Variants in EXPH5 observed in about 807,000 individuals in gnomAD.
The protein encoded by EXPH5 is exophilin 5, also known as exophilin-5.
EXPH5 carries 42 observed loss-of-function variants against 41.1 expected under a neutral mutation model. That is an observed-to-expected ratio of 1.02 (90% CI 0.80 to 1.32). EXPH5 has a LOEUF of 1.32. Ranked by LOEUF, EXPH5 falls within the 40% of genes most tolerant of loss-of-function variation. EXPH5 has a pLI of 0.00. For synonymous variants in EXPH5, 798 were observed against 833.5 expected, an observed-to-expected ratio of 0.96 and a Z score of 0.73; for missense variants, 2,298 against 2,314.5, an observed-to-expected ratio of 0.99 and a Z score of 0.15.
chr11:108,596,793 T>G (rs1197178591), upstream of EXPH5, among the ~76,000 whole-genome samples: 2 of 152,214 alleles, frequency 1.3e-5, no homozygotes, highest in African/African-American at 4.8e-5. Flanking sequence ...GAGAAATTTT[T>G]ATATTGAGAA....
chr11:108,520,220 G>A (rs2093756549), intron 4 of EXPH5, among the ~76,000 whole-genome samples: 1 of 152,152 alleles, frequency 6.6e-6, no homozygotes, highest in African/African-American at 2.4e-5. Context: ...ACATGCGAGG[G>A]ATCTAGGTTG....
rs1220030103 is a variant in EXPH5, at chr11:108,514,659, C to T, written c.848G>A (p.Gly283Asp). 1.2e-6 allele frequency: 2 copies of T among 1,604,244 alleles called. No individual in the cohort carries two copies. The highest frequency in any genetic ancestry group is 4.5e-5 in the East Asian group (2 of 44,876). ...DILRPGTPRE[G>D]FKTFSPRTST... ...TGTCCTAGGAGAAAAGGTTTTAAAA[C>T]CTTCCCTAGGAGTTCCTGGTCTTAG... The change falls in exon 6 of 6, where the codon GGT becomes GAT. Residue 283 changes from glycine to aspartate, a missense_variant. Physicochemically the swap from Gly to Asp is moderately conservative, Grantham distance 94. Transcript: ENST00000265843.
intron 3 of EXPH5, among the ~76,000 whole-genome samples, chr11:108,530,973 T>TTTTA (rs1315193011): frequency 6.6e-6 from 1 of 152,166 alleles, no homozygotes; most frequent in Non-Finnish European, 1.5e-5. Flanking sequence ...TGTGAAGAGT[T>TTTTA]TCCACTTAGA....
At chr11:108,597,352 C>T (rs551646088), upstream of EXPH5, among the ~76,000 whole-genome samples, 9 of 152,234 alleles carry the variant, frequency 5.9e-5, no homozygotes, top group South Asian at 1.0e-3. Flanking sequence ...CGCACGCCAC[C>T]GCACCCAGCT....
At chr11:108,573,636 TC>T (rs1317440904) in intron 1 of EXPH5, among the ~76,000 whole-genome samples, 1 of 152,172 alleles carries the variant, frequency 6.6e-6, no homozygotes, top group Non-Finnish European at 1.5e-5. Flanking sequence ...GAGATGGAAA[TC>T]AATGGTACTA....
intron 1 of EXPH5, among the ~76,000 whole-genome samples, chr11:108,556,227 G>A (rs2093989164): frequency 6.6e-6 from 1 of 151,342 alleles, no homozygotes; most frequent in African/African-American, 2.4e-5. Context: ...TAAAGCAGGG[G>A]AACCTTCCTT....
At chr11:108,536,160 T>A (rs1161672302) in intron 3 of EXPH5, among the ~76,000 whole-genome samples, 1 of 152,198 alleles carries the variant, frequency 6.6e-6, no homozygotes, top group Non-Finnish European at 1.5e-5. Flanking sequence ...TTTCCTGTGG[T>A]TGGAATGGAG....
At chr11:108,595,869 A>G (rs138036982), upstream of EXPH5, among the ~76,000 whole-genome samples, 2,807 of 152,206 alleles carry the variant, frequency 0.018, 39 homozygotes, top group Middle Eastern at 0.048. Context: ...AGCACTGAGG[A>G]GCTAATACAG....
Position 108,514,424 on chromosome 11 carries a change from C to G in EXPH5, c.1083G>C (p.Gln361His), listed in dbSNP as rs745312369. ...ATGATAAAGGAGTTCTCTTTGGACT[C>G]TGCTGGTGCCTTGGTGGTATAAACC... is the stretch of plus-strand genomic sequence containing the variant. ...KSGFIPPRHQ[Q>H]SPKRTPLSSI... The change falls in exon 6 of 6, where the codon CAG becomes CAC. Residue 361 changes from glutamine (Q) to histidine (H), a missense_variant. Transcript: ENST00000265843. 22 of 1,614,098 alleles carry G rather than the reference C, an allele frequency of 1.4e-5. No individual in the cohort carries two copies. Among genetic ancestry groups the G allele is most frequent in the Non-Finnish European group, 1.7e-5 (20 of 1,180,018 alleles).
In EXPH5 at chr11:108,550,596, T is replaced by G. The variant is rs1335042218; in HGVS notation, c.120-8784A>C. ...GAGTTCGAGACCAGCCTAGCTAACA[T>G]GGAGAAATGCTGTCTCTACTAAAAA... is the stretch of plus-strand genomic sequence containing the variant. On this transcript the variant is annotated intron_variant, in intron 1 of 5. Transcript: ENST00000265843. Among the ~76,000 whole-genome samples the G allele has an allele frequency of 2.6e-5, 4 of 152,104 alleles. No homozygotes were observed. The East Asian group carries it at 7.7e-4, about 29-fold the overall frequency.
intron 5 of EXPH5, among the ~76,000 whole-genome samples, chr11:108,515,755 A>G (rs1457094981): frequency 6.6e-6 from 1 of 152,172 alleles, no homozygotes; most frequent in Non-Finnish European, 1.5e-5. Flanking sequence ...CAACCACTGT[A>G]CAATGCAACC....
At chr11:108,605,675 C>G in the EXPH5 span, among the ~76,000 whole-genome samples, 1 of 152,230 alleles carries the variant, frequency 6.6e-6, no homozygotes, top group Non-Finnish European at 1.5e-5. Flanking sequence ...GTGGGATACA[C>G]TCTGCTAATT....
In EXPH5 at chr11:108,550,785, T is replaced by A. The variant is rs184524726; in HGVS notation, c.120-8973A>T. On this transcript the variant is annotated intron_variant, in intron 1 of 5. Coordinates refer to ENST00000265843, the MANE Select transcript of EXPH5 (RefSeq NM_015065.3). ...CAGAGTGAGACTTCGTCTCAAAAAA[T>A]AAATAAATAAATAAATAAAAAATAA... Among the ~76,000 whole-genome samples the A allele has an allele frequency of 8.0e-3, 1,208 of 151,638 alleles. 18 individuals are homozygous for A. Among genetic ancestry groups the A allele is most frequent in the African/African-American group, 0.027 (1,132 of 41,358 alleles).
Position 108,575,185 on chromosome 11 carries a change from G to T in EXPH5, c.119+18233C>A, listed in dbSNP as rs1028200301. Among the ~76,000 whole-genome samples the T allele has an allele frequency of 3.3e-5, 5 of 152,278 alleles. No homozygotes were observed. In the East Asian group the frequency reaches 9.6e-4, roughly 29 times the overall value. On this transcript the variant is annotated intron_variant, in intron 1 of 5. Transcript: ENST00000265843. The stretch of plus-strand genomic sequence containing the variant: ...TAAGTTCATTATAATCACAGCATTA[G>T]AAATTAAATGAAGCATAATTTTTTT...
chr11:108,563,731 TA>T (rs919846073), intron 1 of EXPH5, among the ~76,000 whole-genome samples: 3 of 151,848 alleles, frequency 2.0e-5, no homozygotes, highest in Non-Finnish European at 4.4e-5. Context: ...CCTGGAACAG[TA>T]AAAAACCACC....
Position 108,512,117 on chromosome 11 carries a change from T to C in EXPH5, c.3390A>G (p.Pro1130=), listed in dbSNP as rs1043296862. The C allele has an allele frequency of 2.5e-6, 4 of 1,613,756 alleles. No individual in the cohort carries two copies. The highest frequency in any genetic ancestry group is 3.4e-6 in the Non-Finnish European group (4 of 1,179,924). The change falls in exon 6 of 6, where the codon CCA becomes CCG. Residue 1130 remains proline, a synonymous_variant. Transcript: ENST00000265843. ...NRAMSCPSGE[P]HASTGREGRK... ...TTCCTTCTCTTCCAGTTGAGGCATGTGGCTCCCCTGAGGGACATGACATAG... is the reference window on the plus strand; with the variant it reads ...TTCCTTCTCTTCCAGTTGAGGCATGCGGCTCCCCTGAGGGACATGACATAG...
intron 1 of EXPH5, among the ~76,000 whole-genome samples, chr11:108,569,529 A>G (rs2136096986): frequency 6.6e-6 from 1 of 152,066 alleles, no homozygotes; most frequent in South Asian, 2.1e-4. Flanking sequence ...GAGTAGAGAC[A>G]GGGGTTTCAC....
chr11:108,600,015 T>G, the EXPH5 span, among the ~76,000 whole-genome samples: 1 of 152,192 alleles, frequency 6.6e-6, no homozygotes, highest in Admixed American at 6.5e-5. Flanking sequence ...GTCCAGGAGA[T>G]TGCAATCTGG....
upstream of EXPH5, among the ~76,000 whole-genome samples, chr11:108,595,079 A>G (rs942557756): frequency 1.3e-5 from 2 of 152,240 alleles, no homozygotes; most frequent in African/African-American, 4.8e-5. Flanking sequence ...TTCAGCATAC[A>G]CATGGGACTT....
Sources: allele counts gnomAD v4.1 joint callset (sites outside exome capture counted in the v4.1 genomes callset), GRCh38; gene constraint gnomAD v4.1.1; transcripts MANE v1.5; gene names NCBI Gene and HGNC (gene_info 2026-07-23, HGNC 2026-07-21).